SPATA17: variants seen among roughly 807,000 people sequenced by gnomAD.
SPATA17 encodes spermatogenesis-associated protein 17.
SPATA17 carries 53 observed loss-of-function variants against 62.2 expected under a neutral mutation model. The ratio of observed to expected loss-of-function variants is 0.85; its 90% CI spans 0.68 to 1.07. The LOEUF (loss-of-function observed/expected upper bound fraction) is 1.07, where lower values mean the gene tolerates loss of function less well. Among genes scored for constraint, SPATA17 ranks in the 50% least tolerant of loss-of-function variants. The pLI, the probability that SPATA17 is intolerant of heterozygous loss-of-function variation, is 0.00. For missense variants in SPATA17, 466 were observed against 425.5 expected (o/e 1.10, Z -0.84); for synonymous variants, 146 against 146.8 (o/e 0.99, Z 0.04).
intron 6 of SPATA17, among the ~76,000 whole-genome samples, chr1:217,773,607 A>G (rs1002127454): frequency 5.9e-5 from 9 of 152,116 alleles, no homozygotes; most frequent in Non-Finnish European, 1.2e-4. Flanking sequence ...TTGAAACTCT[A>G]TTGTGTGGAA....
In SPATA17 at chr1:217,869,341, G is replaced by A. The variant is rs1016019213; in HGVS notation, c.*2322G>A. On this transcript the variant is annotated 3_prime_UTR_variant, in exon 11 of 11. Coordinates refer to ENST00000366933, the MANE Select transcript of SPATA17 (RefSeq NM_138796.4). ...AAGGCTTTACCTGGATTAAAATAAGGGGACCAAGGTTCTCATGCAGATGAA... is the reference window on the plus strand; with the variant it reads ...AAGGCTTTACCTGGATTAAAATAAGAGGACCAAGGTTCTCATGCAGATGAA... 6.6e-6 allele frequency: 1 copy of A among 152,094 alleles called. No individual in the cohort carries two copies. The highest frequency in any genetic ancestry group is 2.4e-5 in the African/African-American group (1 of 41,424). 9.4% of individuals were successfully genotyped at this position (152,094 alleles called of 1,614,324 possible).
At chr1:217,727,054 C>T (rs1429766316) in intron 5 of SPATA17, among the ~76,000 whole-genome samples, 3 of 152,006 alleles carry the variant, frequency 2.0e-5, no homozygotes, top group Middle Eastern at 6.8e-3. Context: ...TAGAGACCAA[C>T]CTGACCAACA....
chr1:217,653,818 C>T (rs912539384), intron 3 of SPATA17, among the ~76,000 whole-genome samples: 9 of 151,994 alleles, frequency 5.9e-5, no homozygotes, highest in Admixed American at 2.6e-4. Flanking sequence ...GGTATACATA[C>T]GAAAAACCCA....
At chr1:217,706,710 T>C (rs1671744722) in intron 5 of SPATA17, among the ~76,000 whole-genome samples, 1 of 152,234 alleles carries the variant, frequency 6.6e-6, no homozygotes, top group Non-Finnish European at 1.5e-5. Context: ...GAAAATGGAC[T>C]AATACACTAT....
At chr1:217,810,942 A>G (rs1674571648) in intron 9 of SPATA17, among the ~76,000 whole-genome samples, 1 of 152,176 alleles carries the variant, frequency 6.6e-6, no homozygotes, top group South Asian at 2.1e-4. Flanking sequence ...ACACATGGGG[A>G]TTAAAATTTT....
chr1:217,868,431 G>A lies in SPATA17; in HGVS notation c.*1412G>A, dbSNP rs1446190085. On this transcript the variant is annotated 3_prime_UTR_variant, in exon 11 of 11. Coordinates refer to ENST00000366933, the MANE Select transcript of SPATA17 (RefSeq NM_138796.4). ...GTAAGTTAAAAATGCATTTAATACA[G>A]CTAACTTACCAGACAGCTTAGCTTA... is the stretch of plus-strand genomic sequence containing the variant. 1.3e-5 allele frequency: 2 copies of A among 152,064 alleles called. No homozygotes were observed. Among genetic ancestry groups the A allele is most frequent in the East Asian group, 3.9e-4 (2 of 5,176 alleles). 9.4% of individuals were successfully genotyped at this position (152,064 alleles called of 1,614,324 possible). A position where few individuals can be genotyped will look rare whatever the true frequency, so the allele number is the denominator to read the frequency against.
In SPATA17 at chr1:217,762,593, C is replaced by T. The variant is rs539143071; in HGVS notation, c.520-11741C>T. Among the ~76,000 whole-genome samples, 92 of 152,278 alleles carry T rather than the reference C, an allele frequency of 6.0e-4. 1 individual carries two copies. The South Asian group carries it at 9.1e-3, about 15-fold the overall frequency. On this transcript the variant is annotated intron_variant, in intron 6 of 10. Coordinates refer to ENST00000366933, the MANE Select transcript of SPATA17 (RefSeq NM_138796.4). ...GGTTTTATATCAGTTATTCAGGTCACGATAGATTGTCTACTCTATGCCAGT... is the reference window on the plus strand; with the variant it reads ...GGTTTTATATCAGTTATTCAGGTCATGATAGATTGTCTACTCTATGCCAGT...
chr1:217,840,600 G>A (rs1343462239), intron 9 of SPATA17, among the ~76,000 whole-genome samples: 1 of 152,016 alleles, frequency 6.6e-6, no homozygotes, highest in Non-Finnish European at 1.5e-5. Flanking sequence ...GCTCATGCCT[G>A]TAATCCCAGG....
intron 7 of SPATA17, among the ~76,000 whole-genome samples, chr1:217,779,484 A>G (rs1365776485): frequency 6.7e-6 from 1 of 148,724 alleles, no homozygotes; most frequent in Admixed American, 6.8e-5. Flanking sequence ...TCCTCTGGCC[A>G]TGTCATCCCC....
chr1:217,733,917 A>G (rs2102942985), intron 5 of SPATA17, among the ~76,000 whole-genome samples: 1 of 152,240 alleles, frequency 6.6e-6, no homozygotes, highest in Admixed American at 6.5e-5. Context: ...TTTTAAACGT[A>G]TTTTCCCTTT....
intron 6 of SPATA17, among the ~76,000 whole-genome samples, chr1:217,751,359 T>C (rs527247217): frequency 1.3e-5 from 2 of 152,232 alleles, no homozygotes; most frequent in Non-Finnish European, 2.9e-5. Flanking sequence ...AGGTTTATTC[T>C]TTCAAGATTA....
intron 2 of SPATA17, among the ~76,000 whole-genome samples, chr1:217,650,333 G>A (rs889576810): frequency 1.1e-4 from 17 of 152,154 alleles, no homozygotes; most frequent in African/African-American, 3.9e-4. Context: ...TGTTGGCTTG[G>A]ATAGACTGAG....
At chr1:217,756,051 C>G (rs1024661089) in intron 6 of SPATA17, among the ~76,000 whole-genome samples, 1 of 152,024 alleles carries the variant, frequency 6.6e-6, no homozygotes, top group Middle Eastern at 3.2e-3. Context: ...TAAAGGAGAA[C>G]AATCATGCCA....
At position 217,667,064 on chromosome 1, in the gene SPATA17, T is replaced by G. The variant is rs1178886440; in HGVS notation, c.241-1969T>G. On this transcript the variant is annotated intron_variant, in intron 3 of 10. Coordinates refer to ENST00000366933, the MANE Select transcript of SPATA17 (RefSeq NM_138796.4). ...TTTTTTTTTCTTTTTTTTTTTTTTT[T>G]TGTGACGGAGTCTCACTCTGTCACC... 1.0e-4 allele frequency among the ~76,000 whole-genome samples: 15 copies of G among 147,818 alleles called. No individual in the cohort carries two copies. The East Asian group carries it at 2.9e-3, about 29-fold the overall frequency.
chr1:217,806,527 T>C (rs1235841849), intron 9 of SPATA17, among the ~76,000 whole-genome samples: 2 of 152,162 alleles, frequency 1.3e-5, no homozygotes, highest in Non-Finnish European at 1.5e-5. Context: ...AGTCCCACAA[T>C]CGGCCTTAAT....
At chr1:217,818,882 C>CT (rs34580904) in intron 9 of SPATA17, among the ~76,000 whole-genome samples, 53,523 of 125,196 alleles carry the variant, frequency 0.43, 11,565 homozygotes, top group Non-Finnish European at 0.46. Flanking sequence ...TTTCATTTTC[C>CT]TTTTTTTTTT....
intron 5 of SPATA17, among the ~76,000 whole-genome samples, chr1:217,710,187 A>G (rs1417136544): frequency 6.6e-6 from 1 of 152,178 alleles, no homozygotes; most frequent in East Asian, 1.9e-4. Context: ...CCAAGAGTGG[A>G]CCTATTACAA....
intron 5 of SPATA17, among the ~76,000 whole-genome samples, chr1:217,701,249 C>T (rs917748739): frequency 3.3e-5 from 5 of 151,242 alleles, no homozygotes; most frequent in African/African-American, 9.7e-5. Flanking sequence ...GCTGGGATTA[C>T]AGGCATGAGC....
chr1:217,664,851 C>T (rs1670657816), intron 3 of SPATA17, among the ~76,000 whole-genome samples: 1 of 151,804 alleles, frequency 6.6e-6, no homozygotes, highest in Admixed American at 6.6e-5. Context: ...TGGTAGCACT[C>T]GTAGTAGGGA....
Sources: allele counts gnomAD v4.1 joint callset (sites outside exome capture counted in the v4.1 genomes callset), GRCh38; gene constraint gnomAD v4.1.1; transcripts MANE v1.5; gene names NCBI Gene and HGNC (gene_info 2026-07-23, HGNC 2026-07-21).